Variants in ANO1 observed in about 807,000 individuals in gnomAD.
The protein encoded by ANO1 is anoctamin-1.
Under a neutral mutation model 124.0 loss-of-function variants are expected in ANO1, and 59 were observed. The ratio of observed to expected loss-of-function variants is 0.48; its 90% CI spans 0.39 to 0.59. The LOEUF is 0.59. Ranked by LOEUF, ANO1 falls within the 20% of genes least tolerant of loss-of-function variation. The probability of loss-of-function intolerance (pLI) is 0.00; values close to 1 mark genes in which losing one functional copy is unlikely to be tolerated. For synonymous variants in ANO1, 529 were observed against 532.0 expected, an observed-to-expected ratio of 0.99 and a Z score of 0.08; for missense variants, 1,059 against 1,328.0, an observed-to-expected ratio of 0.80 and a Z score of 3.15.
intron 1 of ANO1, among the ~76,000 whole-genome samples, chr11:70,043,991 A>T (rs1228226571): frequency 6.6e-6 from 1 of 152,084 alleles, no homozygotes; most frequent in Non-Finnish European, 1.5e-5. Flanking sequence ...AAAAATAATA[A>T]CTGTATTATA....
chr11:70,044,325 C>T (rs755889781), intron 1 of ANO1, among the ~76,000 whole-genome samples: 12 of 152,064 alleles, frequency 7.9e-5, no homozygotes, highest in Non-Finnish European at 1.5e-4. Flanking sequence ...TTTATTAATA[C>T]GTTAAATGTA....
At chr11:70,102,654 A>G (rs773173154) in intron 2 of ANO1, among the ~76,000 whole-genome samples, 37 of 152,196 alleles carry the variant, frequency 2.4e-4, no homozygotes, top group Non-Finnish European at 4.6e-4. Flanking sequence ...TCAGGGACCC[A>G]CAGGTCCCTG....
Position 70,092,976 on chromosome 11 carries a change from G to GC in ANO1, c.441+4894dup, listed in dbSNP as rs1411638718. On this transcript the variant is annotated intron_variant, in intron 2 of 25. Transcript: ENST00000355303. ...GAAAAGAGAAGGGCCCTGAGGCAGGGCCTTCCTTCTCTCTCTCCCTCCTTC... is the reference window on the plus strand; with the variant it reads ...GAAAAGAGAAGGGCCCTGAGGCAGGGCCCTTCCTTCTCTCTCTCCCTCCTTC... 4.3e-3 allele frequency among the ~76,000 whole-genome samples: 647 copies of GC among 151,864 alleles called. 8 individuals carry two copies. Among genetic ancestry groups the GC allele is most frequent in the African/African-American group, 0.015 (606 of 41,324 alleles).
intron 14 of ANO1, among the ~76,000 whole-genome samples, chr11:70,153,928 G>C (rs1306955227): frequency 6.6e-6 from 1 of 152,118 alleles, no homozygotes; most frequent in Non-Finnish European, 1.5e-5. Context: ...ACCGTGTCCA[G>C]CTAATTTTTT....
intron 8 of ANO1, among the ~76,000 whole-genome samples, chr11:70,121,970 C>G (rs1180256206): frequency 6.8e-6 from 1 of 147,320 alleles, no homozygotes; most frequent in African/African-American, 2.5e-5. Flanking sequence ...CCCCACCTCT[C>G]TCTGTCTGTC....
At chr11:70,068,943 C>T (rs533063238) in intron 1 of ANO1, among the ~76,000 whole-genome samples, 2 of 152,336 alleles carry the variant, frequency 1.3e-5, no homozygotes, top group East Asian at 1.9e-4. Flanking sequence ...CAGACTCATC[C>T]AGCTCCAAGG....
At chr11:70,143,975 A>T (rs1181483898) in intron 11 of ANO1, among the ~76,000 whole-genome samples, 2 of 152,118 alleles carry the variant, frequency 1.3e-5, no homozygotes, top group African/African-American at 4.8e-5. Context: ...CCCATGAAGC[A>T]GTCGGTCCCC....
chr11:70,152,561 C>G (rs1361143120), intron 13 of ANO1, 100 bp downstream of exon 13: 1 of 1,392,412 alleles, frequency 7.2e-7, no homozygotes, highest in Non-Finnish European at 1.0e-6. Context: ...GCAGTTCCCG[C>G]AGTTCCTCCA....
intron 24 of ANO1, among the ~76,000 whole-genome samples, chr11:70,184,250 A>T (rs1054318822): frequency 1.3e-5 from 2 of 152,154 alleles, no homozygotes; most frequent in African/African-American, 4.8e-5. Flanking sequence ...AGATTCAGGG[A>T]GCTGTGGAGG....
the ANO1 span, among the ~76,000 whole-genome samples, chr11:69,978,651 C>G: frequency 6.6e-6 from 1 of 152,206 alleles, no homozygotes; most frequent in Admixed American, 6.5e-5. Flanking sequence ...GCACCCTGCC[C>G]AGGCCTCCTT....
intron 1 of ANO1, among the ~76,000 whole-genome samples, chr11:69,988,861 C>A (rs1856098379): frequency 6.6e-6 from 1 of 152,014 alleles, no homozygotes; most frequent in South Asian, 2.1e-4. Context: ...AATCAACCCA[C>A]ATGCCTCTCT....
intron 20 of ANO1, among the ~76,000 whole-genome samples, chr11:70,166,406 A>T (rs905668049): frequency 6.6e-6 from 1 of 152,110 alleles, no homozygotes; most frequent in African/African-American, 2.4e-5. Flanking sequence ...ATGACACCCC[A>T]CTCCCCATGC....
intron 21 of ANO1, among the ~76,000 whole-genome samples, chr11:70,170,491 C>A (rs1203888695): frequency 6.6e-6 from 1 of 152,164 alleles, no homozygotes; most frequent in Non-Finnish European, 1.5e-5. Flanking sequence ...ACCCGGGAGG[C>A]TGAAGTGGGA....
rs117283176 is a variant in ANO1 at position 70,083,472 on chromosome 11, T to A, written c.109-4280T>A. ...CCACCATGCATGGGAAGTTAGATGA[T>A]GTTTCTGCTCTCCCAAAGACTGTAG... is the stretch of plus-strand genomic sequence containing the variant. On this transcript the variant is annotated intron_variant, in intron 1 of 25. Transcript: ENST00000355303. Among the ~76,000 whole-genome samples the A allele has an allele frequency of 8.8e-4, 134 of 152,266 alleles. 4 individuals carry two copies. The East Asian group carries it at 0.02, about 23-fold the overall frequency.
At position 70,147,748 on chromosome 11, in the gene ANO1, G is replaced by A. The variant is rs144376190; in HGVS notation, c.1259-1962G>A. On this transcript the variant is annotated intron_variant, in intron 11 of 25. Coordinates refer to ENST00000355303, the MANE Select transcript of ANO1 (RefSeq NM_018043.7). ...ACTTCCCCTGGGAAGCCCTTCCTCC[G>A]TGATCCCAGCTTCTTCTGGGCAGCT... is the stretch of plus-strand genomic sequence containing the variant. Among the ~76,000 whole-genome samples, 223 of 152,252 alleles carry A rather than the reference G, an allele frequency of 1.5e-3. 1 individual carries two copies. The highest frequency in any genetic ancestry group is 3.4e-3 in the Middle Eastern group (1 of 294).
intron 21 of ANO1, 63 bp from the exon 22 acceptor site, chr11:70,170,824 T>G (rs1590914906): frequency 6.5e-7 from 1 of 1,543,742 alleles, no homozygotes; most frequent in Non-Finnish European, 8.8e-7. Context: ...CACGGGGTGG[T>G]GGAGTCCCCC....
chr11:70,112,038 G>A (rs1017617286), intron 7 of ANO1, among the ~76,000 whole-genome samples: 35 of 152,320 alleles, frequency 2.3e-4, no homozygotes, highest in African/African-American at 7.7e-4. Context: ...CGTAGCCAGC[G>A]GGTCCACAGA....
At chr11:70,159,184 G>A (rs75185132) in intron 16 of ANO1, among the ~76,000 whole-genome samples, 2,114 of 152,258 alleles carry the variant, frequency 0.014, 50 homozygotes, top group African/African-American at 0.046. Flanking sequence ...GTCACAACAT[G>A]GCTGCTGCAC....
rs774624113 is a variant in ANO1 at position 70,087,964 on chromosome 11, G to A, written c.321G>A (p.Ser107=). Residue 107 remains serine, a synonymous_variant, in exon 2 of 26, where the codon TCG becomes TCA. Transcript: ENST00000355303. The stretch of plus-strand genomic sequence containing the variant: ...ACCCCCTGCCGGGCAAGGGGGCGTC[G>A]CTGGATGCAGGCTCGGGGGAGCCCC... ...QDHPLPGKGA[S]LDAGSGEPPM... 2.8e-5 allele frequency: 44 copies of A among 1,588,074 alleles called. No individual in the cohort carries two copies. Among genetic ancestry groups the A allele is most frequent in the Middle Eastern group, 3.3e-4 (2 of 6,024 alleles).
Sources: allele counts gnomAD v4.1 joint callset (sites outside exome capture counted in the v4.1 genomes callset), GRCh38; gene constraint gnomAD v4.1.1; transcripts MANE v1.5; gene names NCBI Gene and HGNC (gene_info 2026-07-23, HGNC 2026-07-21).